Variants in GAB1 observed in about 807,000 individuals in gnomAD.
GAB1 encodes the protein GRB2-associated-binding protein 1.
Under a neutral mutation model 66.5 loss-of-function variants are expected in GAB1, and 19 were observed. The observed-to-expected ratio is 0.29, with a 90% CI of 0.20 to 0.42. The LOEUF is 0.42. GAB1 is among the 10% of genes least tolerant of loss of function. The pLI is 1.00. For synonymous variants in GAB1, 294 were observed against 301.4 expected, an observed-to-expected ratio of 0.98 and a Z score of 0.25; for missense variants, 732 against 858.5, an observed-to-expected ratio of 0.85 and a Z score of 1.84.
chr4:143,417,049 A>G (rs1035830861), intron 2 of GAB1, among the ~76,000 whole-genome samples: 13 of 152,254 alleles, frequency 8.5e-5, no homozygotes, highest in Non-Finnish European at 1.3e-4. Context: ...TACAAGGAAC[A>G]TGGAAGAAGA....
Position 143,471,471 on chromosome 4 carries a change from C to T in GAB1, c.*2282C>T, listed in dbSNP as rs777279831. On this transcript the variant is annotated 3_prime_UTR_variant, in exon 10 of 10. Coordinates refer to ENST00000262994, the MANE Select transcript of GAB1 (RefSeq NM_002039.4). Reference sequence around the variant, plus strand: ...TTATGTATAACCCCAATACATAAAGCCTGAAAACTCAATTTTATCAATATA... The same window carrying T: ...TTATGTATAACCCCAATACATAAAGTCTGAAAACTCAATTTTATCAATATA... The T allele has an allele frequency of 6.6e-6, 1 of 152,060 alleles. No homozygotes were observed. Among genetic ancestry groups the T allele is most frequent in the Non-Finnish European group, 1.5e-5 (1 of 68,000 alleles). 9.4% of individuals were successfully genotyped at this position (152,060 alleles called of 1,614,324 possible). A position where few individuals can be genotyped will look rare whatever the true frequency, so the allele number is the denominator to read the frequency against.
Position 143,337,203 on chromosome 4 carries a change from A to T in GAB1, c.15A>T (p.Glu5Asp). The change falls in exon 1 of 10, where the codon GAA becomes GAT. Residue 5 changes from glutamate to aspartate, a missense_variant. By Grantham distance (45) the Glu-to-Asp change is conservative. This residue lies in a region of GAB1 where 35 missense variants were observed against 30.8 expected (regional missense o/e 1.13). Transcript: ENST00000262994. The stretch of plus-strand genomic sequence containing the variant: ...ACGCGCGCACCATGAGCGGTGGTGA[A>T]GTGGTCTGCTCCGGATGGCTCCGCA... MSGG[E>D]VVCSGWLRKS... is the part of the protein sequence containing the mutation. The T allele has an allele frequency of 1.3e-6, 2 of 1,583,650 alleles. No individual in the cohort carries two copies. Among genetic ancestry groups the T allele is most frequent in the Non-Finnish European group, 1.7e-6 (2 of 1,164,746 alleles).
intron 1 of GAB1, among the ~76,000 whole-genome samples, chr4:143,390,071 T>A (rs1392481103): frequency 6.6e-6 from 1 of 152,200 alleles, no homozygotes; most frequent in Non-Finnish European, 1.5e-5. Context: ...CCAAAGTAAG[T>A]TCATTTTGAA....
At chr4:143,392,970 T>C (rs575479563) in intron 1 of GAB1, among the ~76,000 whole-genome samples, 85 of 152,280 alleles carry the variant, frequency 5.6e-4, no homozygotes, top group African/African-American at 1.8e-3. Context: ...ATGGGCTATA[T>C]TTCCATGTAT....
intron 1 of GAB1, among the ~76,000 whole-genome samples, chr4:143,352,320 G>T (rs1253345028): frequency 6.6e-6 from 1 of 152,138 alleles, no homozygotes; most frequent in Admixed American, 6.5e-5. Context: ...CACAGAGCAG[G>T]GCTGACAAGT....
intron 1 of GAB1, 27 bp downstream of exon 1, chr4:143,337,287 G>T (rs1339034584): frequency 6.5e-7 from 1 of 1,550,206 alleles, no homozygotes; most frequent in Admixed American, 1.9e-5. Flanking sequence ...GCACCACTCC[G>T]CGGGCCTCGG....
intron 1 of GAB1, among the ~76,000 whole-genome samples, chr4:143,393,685 T>C (rs2149689696): frequency 6.6e-6 from 1 of 152,298 alleles, no homozygotes; most frequent in African/African-American, 2.4e-5. Context: ...TTAAAGACCA[T>C]TTTTCTGATT....
chr4:143,455,376 C>G (rs956431049), intron 6 of GAB1, among the ~76,000 whole-genome samples: 3 of 152,044 alleles, frequency 2.0e-5, no homozygotes, highest in African/African-American at 7.3e-5. Context: ...AGTGAGAAAC[C>G]ATAACTCGGT....
At chr4:143,439,643 C>G in intron 4 of GAB1, 159 bp from the exon 5 acceptor site, 1 of 583,626 alleles carries the variant, frequency 1.7e-6, no homozygotes, top group South Asian at 2.2e-5. Context: ...TTTAATATGC[C>G]AATTCAAGAC....
chr4:143,419,976 C>A (rs1313798815), intron 2 of GAB1, among the ~76,000 whole-genome samples: 2 of 152,222 alleles, frequency 1.3e-5, no homozygotes, highest in East Asian at 3.9e-4. Flanking sequence ...TTCTAAATAG[C>A]AGAATACTGC....
In GAB1 at chr4:143,466,480, CTTTTTTTTTTTTTT is replaced by C. The variant is rs776557170; in HGVS notation, c.1926+269_1926+282del. Among the ~76,000 whole-genome samples, 10 of 67,274 alleles carry C rather than the reference CTTTTTTTTTTTTTT, an allele frequency of 1.5e-4. No homozygotes were observed. In the East Asian group the frequency reaches 2.7e-3, roughly 18 times the overall value. 44.1% of individuals were successfully genotyped at this position (67,274 alleles called of 152,430 possible). On this transcript the variant is annotated intron_variant, in intron 9 of 9. Transcript: ENST00000262994. Reference sequence around the variant, plus strand: ...CATTGAAATAGTTATTTAACAAATTCTTTTTTTTTTTTTTTTTTTTTTTTTTTGAGACAGAGTCT... The same window carrying C: ...CATTGAAATAGTTATTTAACAAATTCTTTTTTTTTTTTTGAGACAGAGTCT...
At chr4:143,453,287 A>T (rs1392241711) in intron 6 of GAB1, among the ~76,000 whole-genome samples, 1 of 152,188 alleles carries the variant, frequency 6.6e-6, no homozygotes, top group Non-Finnish European at 1.5e-5. Context: ...ATGTATTTTT[A>T]AAAATTTCAA....
At chr4:143,468,208 C>CTTTTTTTTT (rs780138131) in intron 9 of GAB1, among the ~76,000 whole-genome samples, 1 of 70,066 alleles carries the variant, frequency 1.4e-5, no homozygotes, top group Non-Finnish European at 2.6e-5. Context: ...AGTTTGAATT[C>CTTTTTTTTT]TTTTTTTTTT....
chr4:143,350,217 C>G, intron 1 of GAB1: 1 of 606,076 alleles, frequency 1.6e-6, no homozygotes, highest in Non-Finnish European at 2.9e-6. Context: ...ACTGTGCCTT[C>G]TGTCTGATGG....
At chr4:143,442,625 C>T (rs1192366360) in intron 6 of GAB1, among the ~76,000 whole-genome samples, 1 of 152,096 alleles carries the variant, frequency 6.6e-6, no homozygotes, top group African/African-American at 2.4e-5. Context: ...AGAATATATA[C>T]TATGTATCAT....
intron 1 of GAB1, among the ~76,000 whole-genome samples, chr4:143,387,185 G>A (rs529604404): frequency 3.9e-5 from 6 of 152,354 alleles, no homozygotes; most frequent in Non-Finnish European, 8.8e-5. Flanking sequence ...AGACTGGAAT[G>A]CAATGATGCT....
chr4:143,368,928 G>A (rs1480748400), intron 1 of GAB1, among the ~76,000 whole-genome samples: 3 of 152,044 alleles, frequency 2.0e-5, no homozygotes, highest in Non-Finnish European at 4.4e-5. Flanking sequence ...GAGATTACAG[G>A]TGCCCATCAC....
chr4:143,447,336 T>C (rs1348586517), intron 6 of GAB1, among the ~76,000 whole-genome samples: 1 of 152,192 alleles, frequency 6.6e-6, no homozygotes, highest in Admixed American at 6.5e-5. Flanking sequence ...GTGAAGAAAG[T>C]CATTGGTAGA....
At chr4:143,371,502 C>G (rs1005220450) in intron 1 of GAB1, among the ~76,000 whole-genome samples, 7 of 152,286 alleles carry the variant, frequency 4.6e-5, no homozygotes, top group African/African-American at 7.2e-5. Context: ...TGTAGGTTGC[C>G]TGTTCACTCT....
Sources: gnomAD v4.1 joint callset for allele counts (sites outside exome capture counted in the v4.1 genomes callset) on GRCh38, gnomAD v4.1.1 for gene constraint, gnomAD v4.1.1 regional missense constraint, MANE v1.5 for transcripts, NCBI Gene and HGNC (gene_info 2026-07-23, HGNC 2026-07-21) for gene names.